The following NUCB2 variants were observed in gnomAD, a reference collection of about 807,000 sequenced individuals.
The protein encoded by NUCB2 is nucleobindin 2, also known as nucleobindin-2.
Under a neutral mutation model 57.9 loss-of-function variants are expected in NUCB2, and 48 were observed. The observed-to-expected ratio is 0.83, with a 90% CI of 0.66 to 1.05. The LOEUF (loss-of-function observed/expected upper bound fraction) is 1.05. Among genes scored for constraint, NUCB2 ranks in the 50% least tolerant of loss-of-function variants. The pLI, the probability that NUCB2 is intolerant of heterozygous loss-of-function variation, is 0.00. For synonymous variants in NUCB2, 139 were observed against 152.1 expected, an observed-to-expected ratio of 0.91 and a Z score of 0.64; for missense variants, 442 against 476.2, an observed-to-expected ratio of 0.93 and a Z score of 0.67.
Position 17,311,258 on chromosome 11 carries a change from C to A in NUCB2, c.735C>A (p.Asp245Glu), listed in dbSNP as rs1348214419. ...ETDGLDPNDF[D>E]PKTFFKLHDV... ...ATGGATTGGATCCTAATGACTTTGACCCCAAGACATTTTTCAAATTACATG... is the reference window on the plus strand; with the variant it reads ...ATGGATTGGATCCTAATGACTTTGAACCCAAGACATTTTTCAAATTACATG... Residue 245 changes from aspartate to glutamate, a missense_variant, in exon 8 of 14, where the codon GAC (aspartate) becomes GAA (glutamate). By Grantham distance (45) the Asp-to-Glu change is conservative. Coordinates refer to ENST00000529010, the MANE Select transcript of NUCB2 (RefSeq NM_005013.4). The A allele has an allele frequency of 6.2e-7, 1 of 1,607,252 alleles. No homozygotes were observed. Among genetic ancestry groups the A allele is most frequent in the Admixed American group, 1.7e-5 (1 of 58,682 alleles).
chr11:17,330,054 A>T lies in NUCB2; in HGVS notation c.1003-73A>T. Reference sequence around the variant, plus strand: ...TACTCTTTTATACTTTGCTAACCATAGAATTTTAAAGCTAAATCAGACTTT... The same window carrying T: ...TACTCTTTTATACTTTGCTAACCATTGAATTTTAAAGCTAAATCAGACTTT... On this transcript the variant is annotated intron_variant, in intron 11 of 13. Coordinates refer to ENST00000529010, the MANE Select transcript of NUCB2 (RefSeq NM_005013.4). This position sits in a 1 kb window ranked among gnomAD's most constrained non-coding sequence, Gnocchi z 4.3. 1.2e-6 allele frequency: 1 copy of T among 845,040 alleles called. No individual in the cohort carries two copies. The highest frequency in any genetic ancestry group is 1.8e-6 in the Non-Finnish European group (1 of 556,048). 52.3% of individuals were successfully genotyped at this position (845,040 alleles called of 1,614,324 possible). A position where few individuals can be genotyped will look rare whatever the true frequency, so the allele number is the denominator to read the frequency against.
At chr11:17,307,756 G>A (rs1256522557) in intron 5 of NUCB2, among the ~76,000 whole-genome samples, 1 of 151,948 alleles carries the variant, frequency 6.6e-6, no homozygotes, top group Non-Finnish European at 1.5e-5. Context: ...ATCCCTGTAA[G>A]ATTATCTTTA....
chr11:17,343,364 A>C (rs1008249308), intron 2 of NUCB2, among the ~76,000 whole-genome samples: 8 of 152,196 alleles, frequency 5.3e-5, no homozygotes, highest in Admixed American at 5.2e-4. Context: ...CATTGCATTT[A>C]ACATGTTATT....
chr11:17,297,041 G>A (rs1023261310), intron 4 of NUCB2, among the ~76,000 whole-genome samples: 2 of 152,114 alleles, frequency 1.3e-5, no homozygotes, highest in Non-Finnish European at 2.9e-5. Flanking sequence ...AATAAGAAAG[G>A]GGGTTGTAAA....
At chr11:17,342,515 T>C (rs1952359379) in intron 2 of NUCB2, among the ~76,000 whole-genome samples, 2 of 151,626 alleles carry the variant, frequency 1.3e-5, no homozygotes, top group Non-Finnish European at 2.9e-5. Context: ...ATGTTGTGTC[T>C]TTGTTCTTGT....
intron 10 of NUCB2, among the ~76,000 whole-genome samples, chr11:17,314,464 C>T (rs1948957881): frequency 6.6e-6 from 1 of 152,144 alleles, no homozygotes. Flanking sequence ...ACTCTCTCTC[C>T]TCTGGCCTTC....
intron 11 of NUCB2, among the ~76,000 whole-genome samples, chr11:17,327,425 G>A (rs889720487): frequency 1.3e-5 from 2 of 152,138 alleles, no homozygotes; most frequent in Admixed American, 6.6e-5. Flanking sequence ...GTAGTCTGAC[G>A]TGAGTTAAAT....
chr11:17,301,272 CTTTTTT>C (rs397848120), intron 4 of NUCB2, among the ~76,000 whole-genome samples: 18 of 73,270 alleles, frequency 2.5e-4, no homozygotes, highest in African/African-American at 1.2e-3. Flanking sequence ...CGCGCCTGGC[CTTTTTT>C]TTTTTTTTTT....
chr11:17,309,657 A>C lies in NUCB2; in HGVS notation c.465A>C (p.Leu155Phe). The C allele has an allele frequency of 6.3e-7, 1 of 1,599,938 alleles. No individual in the cohort carries two copies. Among genetic ancestry groups the C allele is most frequent in the Non-Finnish European group, 8.5e-7 (1 of 1,174,948 alleles). Residue 155 changes from leucine (L) to phenylalanine (F), a missense_variant, in exon 6 of 14, where the codon TTA (leucine) becomes TTC (phenylalanine). Coordinates refer to ENST00000529010, the MANE Select transcript of NUCB2 (RefSeq NM_005013.4). ...CTGACAAGTTTGAATCCACAGATTT[A>C]GATATGCTAATCAAAGCGGTGAGAA... ...LNPDKFESTD[L>F]DMLIKAATSD...
At chr11:17,317,259 A>G (rs1425715302) in intron 11 of NUCB2, among the ~76,000 whole-genome samples, 5 of 152,100 alleles carry the variant, frequency 3.3e-5, no homozygotes, top group Admixed American at 3.3e-4. Flanking sequence ...TGTATGTATA[A>G]CATATAATTA....
intron 4 of NUCB2, among the ~76,000 whole-genome samples, chr11:17,297,452 A>G (rs1184199651): frequency 6.6e-6 from 1 of 152,148 alleles, no homozygotes; most frequent in Non-Finnish European, 1.5e-5. Context: ...GGAAAAGGTA[A>G]TAGTGTTATG....
chr11:17,316,897 A>G (rs1451080307), intron 11 of NUCB2, among the ~76,000 whole-genome samples: 1 of 152,218 alleles, frequency 6.6e-6, no homozygotes, highest in African/African-American at 2.4e-5. Context: ...GGAACTTTTC[A>G]TTGCTAAAGC....
At chr11:17,341,348 C>T (rs1287721079) in intron 2 of NUCB2, among the ~76,000 whole-genome samples, 1 of 151,770 alleles carries the variant, frequency 6.6e-6, no homozygotes, top group Non-Finnish European at 1.5e-5. Context: ...ACTTCCAACA[C>T]TATGTTGAAT....
At chr11:17,301,064 C>T (rs993998635) in intron 4 of NUCB2, among the ~76,000 whole-genome samples, 7 of 150,256 alleles carry the variant, frequency 4.7e-5, no homozygotes, top group African/African-American at 1.7e-4. Flanking sequence ...CCTCCGCCTC[C>T]TGGGTTCAAG....
intron 10 of NUCB2, among the ~76,000 whole-genome samples, chr11:17,312,381 C>T (rs1185339778): frequency 3.3e-5 from 5 of 151,128 alleles, no homozygotes; most frequent in Non-Finnish European, 7.4e-5. Context: ...GGACCACAAG[C>T]TGGAGCCACC....
At chr11:17,320,978 A>G (rs1386957208) in intron 11 of NUCB2, among the ~76,000 whole-genome samples, 1 of 152,092 alleles carries the variant, frequency 6.6e-6, no homozygotes, top group Non-Finnish European at 1.5e-5. Context: ...GTGTGCATAC[A>G]TAGTATGTGT....
chr11:17,341,730 G>A (rs1952283888), intron 2 of NUCB2, among the ~76,000 whole-genome samples: 1 of 152,174 alleles, frequency 6.6e-6, no homozygotes, highest in Non-Finnish European at 1.5e-5. Context: ...GTATTTTATT[G>A]AGGATTTTTG....
intron 11 of NUCB2, among the ~76,000 whole-genome samples, chr11:17,322,678 A>G (rs1565456270): frequency 6.6e-6 from 1 of 152,148 alleles, no homozygotes; most frequent in African/African-American, 2.4e-5. Flanking sequence ...TTTGGGGAGT[A>G]TGGAGATTTT....
intron 1 of NUCB2, among the ~76,000 whole-genome samples, chr11:17,282,273 T>TC (rs1555062026): frequency 1.4e-5 from 2 of 144,242 alleles, no homozygotes; most frequent in African/African-American, 2.6e-5. Flanking sequence ...TTTTTTTTTT[T>TC]CCCAAGACAG....
Sources: allele counts gnomAD v4.1 joint callset (sites outside exome capture counted in the v4.1 genomes callset), GRCh38; gene constraint gnomAD v4.1.1; non-coding constraint Gnocchi (gnomAD v3.1); transcripts MANE v1.5; gene names NCBI Gene and HGNC (gene_info 2026-07-23, HGNC 2026-07-21).